Variants in ITSN2 observed in about 807,000 individuals in gnomAD.
The protein encoded by ITSN2 is intersectin 2.
A neutral mutation model predicts 243.7 loss-of-function variants in ITSN2; 156 were observed. The observed-to-expected ratio is 0.64, with a 90% confidence interval of 0.56 to 0.73. The LOEUF (loss-of-function observed/expected upper bound fraction) is 0.73, where lower values mean the gene tolerates loss of function less well. Ranked by LOEUF, ITSN2 falls within the 30% of genes least tolerant of loss-of-function variation. The pLI is 0.00. For synonymous variants in ITSN2, 703 were observed against 699.9 expected (o/e 1.00, Z -0.07); for missense variants, 1,801 against 1,996.1 (o/e 0.90, Z 1.86).
chr2:24,233,947 C>A (rs1432261721), intron 29 of ITSN2, among the ~76,000 whole-genome samples: 1 of 152,058 alleles, frequency 6.6e-6, no homozygotes, highest in Admixed American at 6.6e-5. Context: ...TTCTTTAAAG[C>A]AAAGTTTAAA....
At chr2:24,280,988 G>A (rs967134447) in intron 17 of ITSN2, among the ~76,000 whole-genome samples, 1 of 152,000 alleles carries the variant, frequency 6.6e-6, no homozygotes, top group Non-Finnish European at 1.5e-5. Flanking sequence ...CTTACCCTTC[G>A]AACTTTTCTT....
intron 32 of ITSN2, among the ~76,000 whole-genome samples, chr2:24,215,515 A>T (rs1212086919): frequency 6.6e-6 from 1 of 152,118 alleles, no homozygotes; most frequent in Non-Finnish European, 1.5e-5. Context: ...AAAAATACAA[A>T]AATTAGCCAG....
Position 24,216,227 on chromosome 2 carries a change from AAAGCCCTGCC to A in ITSN2, c.3807-5_3811del. ...GCCCCCGGTCTTCTTCCGCACCCGC[AAAGCCCTGCC>A]AAGAACACACTCTCATTTTGTGTTT... On this transcript the variant is annotated splice_acceptor_variant and splice_polypyrimidine_tract_variant and coding_sequence_variant and intron_variant, in exon 32 of 40. Transcript: ENST00000355123. LOFTEE classifies it high-confidence loss of function. 6.3e-7 allele frequency: 1 copy of A among 1,598,022 alleles called. No homozygotes were observed. Among genetic ancestry groups the A allele is most frequent in the Non-Finnish European group, 8.5e-7 (1 of 1,172,362 alleles).
chr2:24,206,799 C>T (rs112969458), intron 37 of ITSN2, among the ~76,000 whole-genome samples: 1 of 152,084 alleles, frequency 6.6e-6, no homozygotes, highest in Non-Finnish European at 1.5e-5. Context: ...AGAGGATGAG[C>T]GCCCGGAGGA....
chr2:24,331,907 A>G (rs1685829945), intron 1 of ITSN2, among the ~76,000 whole-genome samples: 1 of 152,212 alleles, frequency 6.6e-6, no homozygotes, highest in African/African-American at 2.4e-5. Context: ...GCATCAGATG[A>G]AGACTTCATT....
At chr2:24,358,477 C>T (rs1688655795) in intron 1 of ITSN2, among the ~76,000 whole-genome samples, 1 of 152,102 alleles carries the variant, frequency 6.6e-6, no homozygotes, top group Non-Finnish European at 1.5e-5. Context: ...TAAATGACAA[C>T]CATGGTAAAC....
intron 31 of ITSN2, among the ~76,000 whole-genome samples, chr2:24,217,644 C>T (rs1304151167): frequency 1.3e-5 from 2 of 152,196 alleles, no homozygotes; most frequent in Non-Finnish European, 2.9e-5. Flanking sequence ...CATCTTATAT[C>T]TTGGAATCAT....
intron 4 of ITSN2, 38 bp from the exon 5 acceptor site, chr2:24,312,413 G>A (rs772103831): frequency 1.4e-6 from 2 of 1,457,180 alleles, no homozygotes; most frequent in South Asian, 3.1e-5. Flanking sequence ...GCTATGTGGT[G>A]TGGTGGTGGG....
intron 17 of ITSN2, among the ~76,000 whole-genome samples, chr2:24,280,866 A>C (rs762015006): frequency 6.6e-6 from 1 of 152,174 alleles, no homozygotes; most frequent in Non-Finnish European, 1.5e-5. Flanking sequence ...TCTCTTCATC[A>C]ATGACCTTTT....
intron 2 of ITSN2, among the ~76,000 whole-genome samples, chr2:24,322,351 G>A (rs1684668763): frequency 6.6e-6 from 1 of 152,174 alleles, no homozygotes; most frequent in Non-Finnish European, 1.5e-5. Context: ...ATTGGTAAGT[G>A]TTGAAGGCAA....
intron 23 of ITSN2, among the ~76,000 whole-genome samples, chr2:24,254,752 T>C (rs978226939): frequency 6.6e-6 from 1 of 152,176 alleles, no homozygotes; most frequent in East Asian, 1.9e-4. Flanking sequence ...TAAGCACATA[T>C]AGGGCTTAGT....
intron 7 of ITSN2, 66 bp from the exon 8 acceptor site, chr2:24,308,822 G>T: frequency 1.0e-6 from 1 of 952,954 alleles, no homozygotes; most frequent in South Asian, 2.5e-5. Context: ...AATTTTATAA[G>T]ACCAAGGCAT....
chr2:24,285,141 C>T (rs528580239), intron 16 of ITSN2, among the ~76,000 whole-genome samples: 11 of 152,094 alleles, frequency 7.2e-5, no homozygotes, highest in South Asian at 2.1e-4. Flanking sequence ...GTGATCCGCC[C>T]GCCTCAGCCT....
intron 1 of ITSN2, among the ~76,000 whole-genome samples, chr2:24,338,144 T>C (rs1229939254): frequency 1.3e-5 from 2 of 152,158 alleles, no homozygotes; most frequent in African/African-American, 2.4e-5. Flanking sequence ...TTTACATCTA[T>C]CCTCTCAGAA....
Position 24,248,756 on chromosome 2 carries a change from A to ATTTC in ITSN2, c.3167-7_3167-6insGAAA. On this transcript the variant is annotated splice_polypyrimidine_tract_variant and splice_region_variant and intron_variant, in intron 26 of 39. Transcript: ENST00000355123. ...TGAAGTTACCTGAGCAATCTCTGAAAAGACAAAGAAGAAACTATGAATTCA... is the reference window on the plus strand; with the variant it reads ...TGAAGTTACCTGAGCAATCTCTGAAATTTCAGACAAAGAAGAAACTATGAATTCA... 9 of 1,612,786 alleles carry ATTTC rather than the reference A, an allele frequency of 5.6e-6. No individual in the cohort carries two copies. Among genetic ancestry groups the ATTTC allele is most frequent in the Middle Eastern group, 3.3e-4 (2 of 6,046 alleles).
chr2:24,217,947 T>G lies in ITSN2; in HGVS notation c.3766A>C (p.Asn1256His), dbSNP rs1558438155. ...TTGGACATGATGAGCTCCTTCCAGT[T>G]AACAAAAATCAGGGCCATCTCCCCT... ...TEGEMALIFV[N>H]WKELIMSNTK... Residue 1256 changes from asparagine (N) to histidine (H), a missense_variant, in exon 31 of 40, where the codon AAC (asparagine) becomes CAC (histidine). Coordinates refer to ENST00000355123, the MANE Select transcript of ITSN2 (RefSeq NM_006277.3). 6.2e-7 allele frequency: 1 copy of G among 1,614,058 alleles called. No homozygotes were observed. The highest frequency in any genetic ancestry group is 2.2e-5 in the East Asian group (1 of 44,874).
chr2:24,319,309 C>T (rs1267842444), intron 2 of ITSN2, among the ~76,000 whole-genome samples: 1 of 152,088 alleles, frequency 6.6e-6, no homozygotes, highest in African/African-American at 2.4e-5. Context: ...ACGCCTTAGA[C>T]CCCAGGAGGT....
chr2:24,261,060 G>T, intron 22 of ITSN2, 46 bp downstream of exon 22: 3 of 1,551,834 alleles, frequency 1.9e-6, no homozygotes, highest in South Asian at 1.2e-5. Context: ...TTTTAATCAG[G>T]AGCAAATTCA....
At chr2:24,312,520 T>G in intron 4 of ITSN2, 145 bp from the exon 5 acceptor site, 1 of 484,030 alleles carries the variant, frequency 2.1e-6, no homozygotes, top group Admixed American at 3.6e-5. Context: ...ACATGTAAAA[T>G]ATATAATAAC....
Sources: gnomAD v4.1 joint callset for allele counts (sites outside exome capture counted in the v4.1 genomes callset) on GRCh38, gnomAD v4.1.1 for gene constraint, MANE v1.5 for transcripts, NCBI Gene and HGNC (gene_info 2026-07-23, HGNC 2026-07-21) for gene names.